The following CSTPP1 variants were observed in gnomAD, a reference collection of about 807,000 sequenced individuals.
CSTPP1 encodes the protein centriolar satellite-associated tubulin polyglutamylase complex regulator 1.
chr11:47,156,917 T>C, the CSTPP1 span: 1 of 1,168,352 alleles, frequency 8.6e-7, no homozygotes, highest in Non-Finnish European at 1.2e-6. Flanking sequence ...GCACTGAGGC[T>C]GGTGTGGAAC....
At chr11:46,943,705 C>T in the CSTPP1 span, among the ~76,000 whole-genome samples, 2 of 152,116 alleles carry the variant, frequency 1.3e-5, no homozygotes, top group African/African-American at 4.8e-5. Flanking sequence ...CTCTCTGTGC[C>T]TTAGTTTCCA....
At chr11:46,946,380 G>A in the CSTPP1 span, among the ~76,000 whole-genome samples, 100 of 152,300 alleles carry the variant, frequency 6.6e-4, no homozygotes, top group Non-Finnish European at 1.2e-3. Context: ...AGAGCAGGCC[G>A]GGAGCAGTGG....
the CSTPP1 span, among the ~76,000 whole-genome samples, chr11:47,135,890 A>G: frequency 6.6e-6 from 1 of 152,218 alleles, no homozygotes; most frequent in East Asian, 1.9e-4. Flanking sequence ...ATGAGTTAGA[A>G]TAATATCAAA....
At chr11:47,134,724 A>G in the CSTPP1 span, among the ~76,000 whole-genome samples, 1 of 152,290 alleles carries the variant, frequency 6.6e-6, no homozygotes, top group African/African-American at 2.4e-5. Context: ...GGAACAGAGC[A>G]GGCACATGGG....
chr11:46,960,634 T>C, the CSTPP1 span, among the ~76,000 whole-genome samples: 1 of 152,190 alleles, frequency 6.6e-6, no homozygotes, highest in Admixed American at 6.5e-5. Context: ...GTAAATGACC[T>C]GAGGTCAGGA....
At chr11:46,949,969 G>A in the CSTPP1 span, among the ~76,000 whole-genome samples, 1 of 151,846 alleles carries the variant, frequency 6.6e-6, no homozygotes, top group East Asian at 1.9e-4. Flanking sequence ...CACCGTGCCC[G>A]GCCTGAAAAT....
the CSTPP1 span, chr11:46,948,168 A>G: frequency 2.2e-6 from 1 of 456,276 alleles, no homozygotes; most frequent in South Asian, 1.5e-5. Context: ...TTGACACGTA[A>G]GTAGGCAACA....
At chr11:47,104,291 C>T in the CSTPP1 span, among the ~76,000 whole-genome samples, 1 of 152,184 alleles carries the variant, frequency 6.6e-6, no homozygotes, top group Admixed American at 6.5e-5. Flanking sequence ...CACTCATCTC[C>T]ACCCCCAATA....
At chr11:47,040,843 A>C in the CSTPP1 span, among the ~76,000 whole-genome samples, 1 of 127,238 alleles carries the variant, frequency 7.9e-6, no homozygotes, top group African/African-American at 2.5e-5. Flanking sequence ...CCACAGGGTC[A>C]TTCTCAGGGT....
chr11:47,022,335 TTCTTTCATA>T, the CSTPP1 span, among the ~76,000 whole-genome samples: 3 of 151,132 alleles, frequency 2.0e-5, no homozygotes, highest in Non-Finnish European at 2.9e-5. Flanking sequence ...TCATACTATT[TTCTTTCATA>T]TCTTTCATAT....
the CSTPP1 span, among the ~76,000 whole-genome samples, chr11:46,966,161 G>C: frequency 6.6e-6 from 1 of 152,096 alleles, no homozygotes; most frequent in East Asian, 1.9e-4. Context: ...TCCTGCCTCA[G>C]CCTCCCAAGT....
the CSTPP1 span, among the ~76,000 whole-genome samples, chr11:47,038,527 G>A: frequency 9.3e-6 from 1 of 107,092 alleles, no homozygotes; most frequent in African/African-American, 2.7e-5. Flanking sequence ...CAGTAGGGGC[G>A]GCCGGGCAGA....
the CSTPP1 span, among the ~76,000 whole-genome samples, chr11:47,002,992 A>G: frequency 2.0e-5 from 3 of 152,162 alleles, no homozygotes; most frequent in African/African-American, 7.2e-5. Context: ...TTATGCCATT[A>G]GCAATGTAAA....
the CSTPP1 span, among the ~76,000 whole-genome samples, chr11:47,082,276 A>C: frequency 4.7e-4 from 71 of 152,112 alleles, no homozygotes; most frequent in Non-Finnish European, 9.9e-4. Context: ...CCTGGAAGCC[A>C]TAAAAGAAAA....
the CSTPP1 span, among the ~76,000 whole-genome samples, chr11:46,997,537 A>G: frequency 3.9e-5 from 6 of 152,216 alleles, 1 homozygote; most frequent in East Asian, 9.6e-4. Context: ...GTTATTACCT[A>G]TCGTCTGAAG....
the CSTPP1 span, among the ~76,000 whole-genome samples, chr11:47,101,181 T>TA: frequency 2.1e-5 from 2 of 96,228 alleles, no homozygotes; most frequent in African/African-American, 7.1e-5. Context: ...TTTTTTTTTT[T>TA]TTTTTTTTAT....
the CSTPP1 span, among the ~76,000 whole-genome samples, chr11:46,942,160 C>T: frequency 6.6e-6 from 1 of 152,156 alleles, no homozygotes; most frequent in Non-Finnish European, 1.5e-5. Flanking sequence ...TGTCTGCAGT[C>T]ATCAGAATGT....
At chr11:47,161,117 G>C in the CSTPP1 span, 1 of 1,614,126 alleles carries the variant, frequency 6.2e-7, no homozygotes, top group Non-Finnish European at 8.5e-7. Flanking sequence ...TGCCCCCAAT[G>C]ATCTCCTAGG....
At chr11:46,950,873 C>T in the CSTPP1 span, among the ~76,000 whole-genome samples, 16 of 151,210 alleles carry the variant, frequency 1.1e-4, no homozygotes, top group African/African-American at 3.9e-4. Flanking sequence ...ATGAGCCACC[C>T]GCCTCAGCCT....
Sources: gnomAD v4.1 joint callset for allele counts (sites outside exome capture counted in the v4.1 genomes callset) on GRCh38, gnomAD v4.1.1 for gene constraint, MANE v1.5 for transcripts, NCBI Gene and HGNC (gene_info 2026-07-23, HGNC 2026-07-21) for gene names.